NTRK3: variants seen among roughly 807,000 people sequenced by gnomAD.
The protein encoded by NTRK3 is NT-3 growth factor receptor.
Under a neutral mutation model 91.7 loss-of-function variants are expected in NTRK3, and 24 were observed. The observed-to-expected ratio is 0.26, with a 90% CI of 0.19 to 0.37. The LOEUF (loss-of-function observed/expected upper bound fraction) is 0.37, where lower values mean the gene tolerates loss of function less well. NTRK3 is among the 10% of genes least tolerant of loss of function. The pLI, the probability that NTRK3 is intolerant of heterozygous loss-of-function variation, is 1.00. For missense variants in NTRK3, 880 were observed against 1,068.9 expected (o/e 0.82, Z 2.46); for synonymous variants, 483 against 404.0 (o/e 1.20, Z -2.34).
intron 14 of NTRK3, among the ~76,000 whole-genome samples, chr15:88,005,820 C>T (rs1447854794): frequency 2.0e-5 from 3 of 152,162 alleles, no homozygotes; most frequent in East Asian, 3.8e-4. Flanking sequence ...AAAGTTTTTA[C>T]CCTTGAACAT....
intron 14 of NTRK3, among the ~76,000 whole-genome samples, chr15:88,004,006 A>G (rs1002712943): frequency 2.0e-5 from 3 of 152,066 alleles, no homozygotes; most frequent in Non-Finnish European, 1.5e-5. Context: ...TAAGAAAGAA[A>G]AGACAGGACA....
At chr15:88,064,709 C>G (rs745374828) in intron 13 of NTRK3, among the ~76,000 whole-genome samples, 28 of 152,134 alleles carry the variant, frequency 1.8e-4, no homozygotes, top group Non-Finnish European at 3.7e-4. Flanking sequence ...AAGGAGCTTT[C>G]AAGAAGAGCC....
At chr15:88,013,916 C>T (rs2141806948) in intron 14 of NTRK3, among the ~76,000 whole-genome samples, 1 of 152,216 alleles carries the variant, frequency 6.6e-6, no homozygotes, top group African/African-American at 2.4e-5. Flanking sequence ...CTCCATCCAA[C>T]TTAGGCGATA....
intron 14 of NTRK3, among the ~76,000 whole-genome samples, chr15:87,991,980 G>A (rs769563925): frequency 2.0e-5 from 3 of 151,266 alleles, no homozygotes; most frequent in Non-Finnish European, 4.4e-5. Context: ...CACACTAGAT[G>A]ATGAACAAAT....
chr15:87,973,784 G>C (rs915110174), intron 14 of NTRK3, among the ~76,000 whole-genome samples: 2 of 151,916 alleles, frequency 1.3e-5, no homozygotes, highest in African/African-American at 4.8e-5. Flanking sequence ...GTTTTCCCTG[G>C]GCCCTTCACA....
At chr15:87,985,196 A>G (rs1187623832) in intron 14 of NTRK3, among the ~76,000 whole-genome samples, 5 of 152,216 alleles carry the variant, frequency 3.3e-5, no homozygotes, top group Non-Finnish European at 7.3e-5. Flanking sequence ...ATGGTCAGAA[A>G]TCAGGTTCCC....
chr15:88,054,882 C>T (rs1317931906), intron 13 of NTRK3, among the ~76,000 whole-genome samples: 2 of 152,088 alleles, frequency 1.3e-5, no homozygotes, highest in African/African-American at 4.8e-5. Flanking sequence ...TTTGCACTTC[C>T]ATGAGAAAGG....
intron 3 of NTRK3, among the ~76,000 whole-genome samples, chr15:88,190,470 C>T (rs2047298727): frequency 1.3e-5 from 2 of 152,230 alleles, no homozygotes; most frequent in Non-Finnish European, 2.9e-5. Context: ...TTGATGGATG[C>T]AGAATTTGTA....
At chr15:88,039,320 G>A (rs895952421) in intron 13 of NTRK3, among the ~76,000 whole-genome samples, 1 of 152,198 alleles carries the variant, frequency 6.6e-6, no homozygotes, top group South Asian at 2.1e-4. Flanking sequence ...GCTTTGGAGA[G>A]AGACCCTCAA....
At chr15:87,977,775 T>A (rs1043367090) in intron 14 of NTRK3, 1 of 232,214 alleles carries the variant, frequency 4.3e-6, no homozygotes, top group African/African-American at 2.2e-5. Context: ...GAAAGCCTCA[T>A]GTTTTTAAAC....
At chr15:87,999,536 T>C (rs2075950942) in intron 14 of NTRK3, among the ~76,000 whole-genome samples, 1 of 152,248 alleles carries the variant, frequency 6.6e-6, no homozygotes, top group Non-Finnish European at 1.5e-5. Context: ...AAATAACATG[T>C]AGATGTCTTT....
chr15:87,911,277 C>G (rs2067074495), intron 17 of NTRK3, among the ~76,000 whole-genome samples: 1 of 152,204 alleles, frequency 6.6e-6, no homozygotes, highest in African/African-American at 2.4e-5. Context: ...ATACTTGACA[C>G]AGTTCCTTGC....
chr15:88,232,519 C>T (rs1173963088), intron 3 of NTRK3, among the ~76,000 whole-genome samples: 2 of 152,182 alleles, frequency 1.3e-5, no homozygotes. Flanking sequence ...TAATTATATT[C>T]CTTAAATCAA....
intron 3 of NTRK3, among the ~76,000 whole-genome samples, chr15:88,249,274 A>G (rs995960019): frequency 6.6e-6 from 1 of 152,214 alleles, no homozygotes; most frequent in Non-Finnish European, 1.5e-5. Flanking sequence ...AGAAGGCCTC[A>G]TCGAGTTGAT....
chr15:88,027,200 A>G (rs1159549440), intron 14 of NTRK3, among the ~76,000 whole-genome samples: 3 of 151,984 alleles, frequency 2.0e-5, no homozygotes, highest in Non-Finnish European at 4.4e-5. Flanking sequence ...TATGATCTGG[A>G]ACAAGTAGCT....
chr15:87,937,549 A>T (rs1596319971), intron 15 of NTRK3, among the ~76,000 whole-genome samples: 2 of 152,112 alleles, frequency 1.3e-5, no homozygotes, highest in Admixed American at 1.3e-4. Flanking sequence ...AAACCAAAAC[A>T]CCCTTCAAGC....
intron 17 of NTRK3, among the ~76,000 whole-genome samples, chr15:87,886,537 A>G (rs1226391213): frequency 6.6e-6 from 1 of 151,560 alleles, no homozygotes; most frequent in Non-Finnish European, 1.5e-5. Context: ...GTAAAAATGT[A>G]TATGTGGATA....
intron 17 of NTRK3, among the ~76,000 whole-genome samples, chr15:87,916,738 A>G (rs1193066041): frequency 1.3e-5 from 2 of 151,998 alleles, no homozygotes; most frequent in Non-Finnish European, 2.9e-5. Context: ...TGCATAAAAT[A>G]TAACCAATTA....
intron 14 of NTRK3, among the ~76,000 whole-genome samples, chr15:88,006,805 A>G (rs1163435119): frequency 6.6e-6 from 1 of 152,256 alleles, no homozygotes; most frequent in African/African-American, 2.4e-5. Flanking sequence ...CATGACATAC[A>G]GACTCACACA....
Sources: allele counts gnomAD v4.1 joint callset (sites outside exome capture counted in the v4.1 genomes callset), GRCh38; gene constraint gnomAD v4.1.1; transcripts MANE v1.5; gene names NCBI Gene and HGNC (gene_info 2026-07-23, HGNC 2026-07-21).